The following GAREM1 variants were observed in gnomAD, a reference collection of about 807,000 sequenced individuals.
GAREM1 encodes GRB2 associated regulator of MAPK1 subtype 1, also known as GRB2-associated and regulator of MAPK protein 1.
A neutral mutation model predicts 71.3 loss-of-function variants in GAREM1; 26 were observed. That is an observed-to-expected ratio of 0.36 (90% CI 0.27 to 0.51). The LOEUF (loss-of-function observed/expected upper bound fraction) is 0.51. Ranked by LOEUF, GAREM1 falls within the 20% of genes least tolerant of loss-of-function variation. GAREM1 has a pLI of 0.95. For missense variants in GAREM1, 1,026 were observed against 1,103.1 expected, an observed-to-expected ratio of 0.93 and a Z score of 0.99; for synonymous variants, 440 against 433.2, an observed-to-expected ratio of 1.02 and a Z score of -0.20.
At position 32,346,000 on chromosome 18, in the gene GAREM1, C is replaced by CT. The variant is rs1043848814; in HGVS notation, c.263-35678dup. Reference sequence around the variant, plus strand: ...AAAGACGAGCTAAGGTCTAGAATTTCTTTTTTTTTCAGTTTCAAGTTCTCC... The same window carrying CT: ...AAAGACGAGCTAAGGTCTAGAATTTCTTTTTTTTTTCAGTTTCAAGTTCTCC... On this transcript the variant is annotated intron_variant, in intron 2 of 5. Transcript: ENST00000269209. 1.3e-4 allele frequency among the ~76,000 whole-genome samples: 20 copies of CT among 151,060 alleles called. No individual in the cohort carries two copies. The East Asian group carries it at 1.6e-3, about 12-fold the overall frequency.
chr18:32,413,914 A>G (rs2048443390), intron 1 of GAREM1, among the ~76,000 whole-genome samples: 1 of 152,164 alleles, frequency 6.6e-6, no homozygotes, highest in Admixed American at 6.5e-5. Flanking sequence ...TTTCTGGGGC[A>G]AAATGTAACA....
chr18:32,470,851 G>A lies in GAREM1; in HGVS notation c.-423C>T, dbSNP rs914819657. ...GTGTGAGGAGGAGCCGCGGGTCTGA[G>A]AAACGCCATAGCAGCGCTCCCAGCA... On this transcript the variant is annotated 5_prime_UTR_variant, in exon 1 of 6. Transcript: ENST00000269209. This position sits in a 1 kb window ranked among gnomAD's most constrained non-coding sequence, Gnocchi z 4.4. 6.6e-6 allele frequency among the ~76,000 whole-genome samples: 1 copy of A among 150,714 alleles called. No individual in the cohort carries two copies. The highest frequency in any genetic ancestry group is 1.5e-5 in the Non-Finnish European group (1 of 67,496).
intron 3 of GAREM1, among the ~76,000 whole-genome samples, chr18:32,293,807 T>C (rs2047112042): frequency 6.6e-6 from 1 of 152,204 alleles, no homozygotes; most frequent in African/African-American, 2.4e-5. Flanking sequence ...AGAGGCATAC[T>C]GACATCCTCT....
intron 1 of GAREM1, among the ~76,000 whole-genome samples, chr18:32,424,363 T>C (rs577319389): frequency 3.9e-5 from 6 of 152,360 alleles, no homozygotes; most frequent in African/African-American, 1.2e-4. Flanking sequence ...TCCCACAGTA[T>C]AATTTCAACT....
intron 3 of GAREM1, among the ~76,000 whole-genome samples, chr18:32,308,767 TTAG>T (rs2047283522): frequency 6.6e-6 from 1 of 150,442 alleles, no homozygotes; most frequent in Non-Finnish European, 1.5e-5. Context: ...CATAATTTAC[TTAG>T]TAAAGATTTT....
At chr18:32,369,321 TAGTC>T (rs1436591232) in intron 2 of GAREM1, among the ~76,000 whole-genome samples, 1 of 152,244 alleles carries the variant, frequency 6.6e-6, no homozygotes, top group Non-Finnish European at 1.5e-5. Context: ...AGTTAGGAAT[TAGTC>T]AGAGAGTATT....
At chr18:32,443,743 T>A (rs2048762541) in intron 1 of GAREM1, among the ~76,000 whole-genome samples, 2 of 152,156 alleles carry the variant, frequency 1.3e-5, no homozygotes, top group Middle Eastern at 3.2e-3. Flanking sequence ...GTAGTTATCA[T>A]ATGACCCAGC....
intron 2 of GAREM1, among the ~76,000 whole-genome samples, chr18:32,321,857 T>C (rs2047432553): frequency 6.6e-6 from 1 of 152,230 alleles, no homozygotes; most frequent in Non-Finnish European, 1.5e-5. Flanking sequence ...AAACCATCCC[T>C]ACACCATTGC....
chr18:32,333,806 G>C (rs918908238), intron 2 of GAREM1, among the ~76,000 whole-genome samples: 1 of 152,084 alleles, frequency 6.6e-6, no homozygotes, highest in African/African-American at 2.4e-5. Context: ...CTCAGTTTTG[G>C]AAATAACCTC....
intron 2 of GAREM1, among the ~76,000 whole-genome samples, chr18:32,384,627 G>A (rs2048128138): frequency 1.3e-5 from 2 of 152,260 alleles, no homozygotes; most frequent in South Asian, 4.1e-4. Flanking sequence ...AAATAATTCA[G>A]TATGTCTCCC....
intron 3 of GAREM1, among the ~76,000 whole-genome samples, chr18:32,302,699 G>A (rs2047212714): frequency 6.6e-6 from 1 of 152,170 alleles, no homozygotes; most frequent in Admixed American, 6.5e-5. Flanking sequence ...GCTGTCAGAG[G>A]CTGGAGAGTG....
chr18:32,316,038 A>G (rs1349060276), intron 2 of GAREM1, among the ~76,000 whole-genome samples: 1 of 152,228 alleles, frequency 6.6e-6, no homozygotes, highest in Non-Finnish European at 1.5e-5. Flanking sequence ...ACAAATGAAT[A>G]ATCACTTTTG....
chr18:32,327,975 G>C (rs1271504672), intron 2 of GAREM1, among the ~76,000 whole-genome samples: 1 of 150,504 alleles, frequency 6.6e-6, no homozygotes, highest in Non-Finnish European at 1.5e-5. Context: ...ACAGTAATAT[G>C]ATTAATAATA....
intron 2 of GAREM1, among the ~76,000 whole-genome samples, chr18:32,362,190 A>C (rs1421833482): frequency 1.3e-5 from 2 of 151,718 alleles, no homozygotes; most frequent in Non-Finnish European, 2.9e-5. Context: ...TCCAGGGGAG[A>C]CTCCTGTTCA....
chr18:32,365,947 A>G (rs1286995764), intron 2 of GAREM1, among the ~76,000 whole-genome samples: 2 of 152,146 alleles, frequency 1.3e-5, no homozygotes, highest in African/African-American at 4.8e-5. Context: ...ACACCTTTAA[A>G]TATTGTTTAA....
chr18:32,307,934 T>G (rs1174554008), intron 3 of GAREM1, among the ~76,000 whole-genome samples: 1 of 152,254 alleles, frequency 6.6e-6, no homozygotes. Context: ...ATTTATTTAC[T>G]TGTGTGTTTA....
chr18:32,431,726 T>C (rs928351329), intron 1 of GAREM1, among the ~76,000 whole-genome samples: 1 of 152,206 alleles, frequency 6.6e-6, no homozygotes, highest in African/African-American at 2.4e-5. Flanking sequence ...AAATACCAAA[T>C]TGGGTGAGCT....
chr18:32,403,138 C>CCT (rs934374683), intron 1 of GAREM1, among the ~76,000 whole-genome samples: 5 of 152,230 alleles, frequency 3.3e-5, no homozygotes, highest in Admixed American at 6.5e-5. Flanking sequence ...AAACTCATGG[C>CCT]CTCAAGTGAT....
At chr18:32,400,491 AC>A (rs1176991532) in intron 1 of GAREM1, among the ~76,000 whole-genome samples, 6 of 152,118 alleles carry the variant, frequency 3.9e-5, no homozygotes, top group African/African-American at 1.4e-4. Context: ...AAAACAAACA[AC>A]CCCATCAACA....
Sources: gnomAD v4.1 joint callset for allele counts (sites outside exome capture counted in the v4.1 genomes callset) on GRCh38, gnomAD v4.1.1 for gene constraint, Gnocchi (gnomAD v3.1) non-coding constraint, MANE v1.5 for transcripts, NCBI Gene and HGNC (gene_info 2026-07-23, HGNC 2026-07-21) for gene names.